Variants in PTPRG observed in about 807,000 individuals in gnomAD.
PTPRG encodes the protein protein tyrosine phosphatase receptor type G.
In PTPRG, 102 loss-of-function variants were observed where a neutral mutation model predicts 165.3. That is an observed-to-expected ratio of 0.62 (90% CI 0.53 to 0.73). The LOEUF is 0.73. Ranked by LOEUF, PTPRG falls within the 30% of genes least tolerant of loss-of-function variation. The pLI is 0.00. For synonymous variants in PTPRG, 675 were observed against 669.5 expected, an observed-to-expected ratio of 1.01 and a Z score of -0.13; for missense variants, 1,866 against 1,861.4, an observed-to-expected ratio of 1.00 and a Z score of -0.05.
chr3:61,931,586 C>T (rs781688697), intron 2 of PTPRG, among the ~76,000 whole-genome samples: 19 of 152,282 alleles, frequency 1.2e-4, no homozygotes, highest in Admixed American at 3.3e-4. Context: ...GTCAAGACCC[C>T]GTGTCCTCTT....
At chr3:61,704,888 C>T (rs546589531) in intron 1 of PTPRG, among the ~76,000 whole-genome samples, 14 of 152,330 alleles carry the variant, frequency 9.2e-5, no homozygotes, top group African/African-American at 3.1e-4. Flanking sequence ...GCCTGGCCCC[C>T]GCCCCTGGCC....
chr3:61,843,143 T>G (rs1370527802), intron 2 of PTPRG, among the ~76,000 whole-genome samples: 2 of 152,222 alleles, frequency 1.3e-5, no homozygotes, highest in Non-Finnish European at 2.9e-5. Flanking sequence ...TTACCGAATG[T>G]CAATTTAAAT....
At position 62,231,834 on chromosome 3, in the gene PTPRG, T is replaced by TA. The variant is rs367946003; in HGVS notation, c.2375+530dup. ...GAATGGTGAAGTTGTTTTTTTTTTT[T>TA]AAAAAAAGGAAATGCATATGAGTTC... On this transcript the variant is annotated intron_variant, in intron 14 of 29. Coordinates refer to ENST00000474889, the MANE Select transcript of PTPRG (RefSeq NM_002841.4). Among the ~76,000 whole-genome samples, 1,029 of 151,072 alleles carry TA rather than the reference T, an allele frequency of 6.8e-3. 14 individuals are homozygous for TA. The highest frequency in any genetic ancestry group is 0.023 in the African/African-American group (967 of 41,246).
chr3:61,965,810 T>G (rs1288544139), intron 2 of PTPRG, among the ~76,000 whole-genome samples: 1 of 152,214 alleles, frequency 6.6e-6, no homozygotes, highest in Non-Finnish European at 1.5e-5. Context: ...GATGAAGAGT[T>G]TAGGTAACTT....
intron 2 of PTPRG, among the ~76,000 whole-genome samples, chr3:61,792,598 A>G (rs566249593): frequency 1.3e-5 from 2 of 152,254 alleles, no homozygotes; most frequent in African/African-American, 4.8e-5. Flanking sequence ...ATTTGGGTTC[A>G]TATCTCAGGT....
rs550254899 is a variant in PTPRG, at chr3:61,988,529, C to A, written c.191-1096C>A. ...ACTAAACAAGATTTCTTTGTGTCTT[C>A]CATTGTATGAGGCTAGGTATACAGG... On this transcript the variant is annotated intron_variant, in intron 2 of 29. Coordinates refer to ENST00000474889, the MANE Select transcript of PTPRG (RefSeq NM_002841.4). 4.6e-5 allele frequency among the ~76,000 whole-genome samples: 7 copies of A among 152,210 alleles called. No individual in the cohort carries two copies. The South Asian group carries it at 1.2e-3, about 27-fold the overall frequency.
intron 5 of PTPRG, among the ~76,000 whole-genome samples, chr3:62,132,115 C>G (rs942170924): frequency 1.6e-4 from 25 of 152,146 alleles, no homozygotes; most frequent in African/African-American, 5.5e-4. Flanking sequence ...CTTTCCATAA[C>G]TTTTAGAATA....
At chr3:61,879,504 C>T (rs1469652478) in intron 2 of PTPRG, among the ~76,000 whole-genome samples, 2 of 151,986 alleles carry the variant, frequency 1.3e-5, no homozygotes, top group Admixed American at 6.6e-5. Context: ...TTCTTAATCT[C>T]ATTTTTAGGT....
chr3:61,934,215 A>G lies in PTPRG; in HGVS notation c.191-55410A>G, dbSNP rs191804370. Among the ~76,000 whole-genome samples, 32 of 152,292 alleles carry G rather than the reference A, an allele frequency of 2.1e-4. No homozygotes were observed. In the East Asian group the frequency reaches 5.4e-3, roughly 26 times the overall value. The stretch of plus-strand genomic sequence containing the variant: ...TATGCATATATAGAGATGTGTATAT[A>G]TTTTTAAATGTATTAATTAGAATCA... On this transcript the variant is annotated intron_variant, in intron 2 of 29. Transcript: ENST00000474889.
intron 2 of PTPRG, among the ~76,000 whole-genome samples, chr3:61,841,562 A>G (rs2036633112): frequency 6.6e-6 from 1 of 152,204 alleles, no homozygotes; most frequent in African/African-American, 2.4e-5. Flanking sequence ...AGATGTGATT[A>G]AACTTAGCCC....
chr3:62,110,716 C>T (rs1702639097), intron 5 of PTPRG, among the ~76,000 whole-genome samples: 1 of 152,196 alleles, frequency 6.6e-6, no homozygotes, highest in Non-Finnish European at 1.5e-5. Context: ...CTGTTCTATA[C>T]AATCCGTTCA....
chr3:62,012,782 G>A (rs1049629735), intron 4 of PTPRG, among the ~76,000 whole-genome samples: 2 of 152,082 alleles, frequency 1.3e-5, no homozygotes, highest in African/African-American at 2.4e-5. Context: ...AATCTGTATC[G>A]TAGGAAAGAA....
chr3:61,621,039 A>ATG (rs1313237864), intron 1 of PTPRG, among the ~76,000 whole-genome samples: 4 of 105,070 alleles, frequency 3.8e-5, no homozygotes, highest in African/African-American at 1.3e-4. Context: ...GTGTGTATAT[A>ATG]TATATATATA....
chr3:62,286,187 ATATGGACTGT>A (rs1240933652), intron 28 of PTPRG, among the ~76,000 whole-genome samples: 1 of 152,192 alleles, frequency 6.6e-6, no homozygotes, highest in Non-Finnish European at 1.5e-5. Flanking sequence ...GACACAAGGC[ATATGGACTGT>A]TTTCAATAGC....
At chr3:61,864,871 C>A (rs2037363161) in intron 2 of PTPRG, among the ~76,000 whole-genome samples, 1 of 152,140 alleles carries the variant, frequency 6.6e-6, no homozygotes, top group Admixed American at 6.5e-5. Flanking sequence ...CCACAATGTT[C>A]CTCTCCCCAC....
At chr3:62,113,250 TC>T (rs1342438396) in intron 5 of PTPRG, among the ~76,000 whole-genome samples, 1 of 152,096 alleles carries the variant, frequency 6.6e-6, no homozygotes, top group Non-Finnish European at 1.5e-5. Context: ...TATGGCCTGT[TC>T]CTATTACCTG....
chr3:61,731,836 C>T (rs2032514692), intron 1 of PTPRG, among the ~76,000 whole-genome samples: 1 of 151,774 alleles, frequency 6.6e-6, no homozygotes, highest in Non-Finnish European at 1.5e-5. Flanking sequence ...CAGTCTGGCC[C>T]TGTCACCCAG....
At chr3:61,957,586 T>C (rs2040062400) in intron 2 of PTPRG, among the ~76,000 whole-genome samples, 1 of 152,188 alleles carries the variant, frequency 6.6e-6, no homozygotes, top group Admixed American at 6.5e-5. Flanking sequence ...CGGGAACAAT[T>C]AGGTGATCAT....
intron 1 of PTPRG, among the ~76,000 whole-genome samples, chr3:61,685,290 C>A (rs1008838877): frequency 6.6e-6 from 1 of 152,176 alleles, no homozygotes; most frequent in East Asian, 1.9e-4. Flanking sequence ...AATGCCTTAT[C>A]GTGGAGGGCA....
Sources: gnomAD v4.1 joint callset for allele counts (sites outside exome capture counted in the v4.1 genomes callset) on GRCh38, gnomAD v4.1.1 for gene constraint, MANE v1.5 for transcripts, NCBI Gene and HGNC (gene_info 2026-07-23, HGNC 2026-07-21) for gene names.